Variants in ZBTB20 observed in about 807,000 individuals in gnomAD.
ZBTB20 encodes the protein zinc finger and BTB domain-containing protein 20.
ZBTB20 carries 9 observed loss-of-function variants against 56.9 expected under a neutral mutation model. That is an observed-to-expected ratio of 0.16 (90% CI 0.10 to 0.28). The LOEUF is 0.28. Among genes scored for constraint, ZBTB20 ranks in the 10% least tolerant of loss-of-function variants. The probability of loss-of-function intolerance (pLI) is 1.00; values close to 1 mark genes in which losing one functional copy is unlikely to be tolerated. For missense variants in ZBTB20, 655 were observed against 1,003.0 expected, an observed-to-expected ratio of 0.65 and a Z score of 4.69; for synonymous variants, 417 against 420.7, an observed-to-expected ratio of 0.99 and a Z score of 0.11.
intron 7 of ZBTB20, among the ~76,000 whole-genome samples, chr3:114,447,752 T>C (rs752429371): frequency 1.3e-5 from 2 of 152,148 alleles, no homozygotes; most frequent in African/African-American, 4.8e-5. Context: ...TAGATCATAG[T>C]GTGTACCCTA....
At chr3:114,532,512 C>T (rs908651683) in intron 6 of ZBTB20, among the ~76,000 whole-genome samples, 6 of 152,216 alleles carry the variant, frequency 3.9e-5, no homozygotes, top group Non-Finnish European at 7.3e-5. Flanking sequence ...ATAAAACTCC[C>T]ATCTCCCTGG....
chr3:114,611,048 C>T (rs1229332983), intron 6 of ZBTB20, among the ~76,000 whole-genome samples: 2 of 152,138 alleles, frequency 1.3e-5, no homozygotes, highest in African/African-American at 2.4e-5. Flanking sequence ...AGTTAACCAG[C>T]GCTGTTTCTA....
At chr3:114,881,066 C>G (rs2076380227) in intron 4 of ZBTB20, among the ~76,000 whole-genome samples, 1 of 152,042 alleles carries the variant, frequency 6.6e-6, no homozygotes, top group Admixed American at 6.5e-5. Context: ...CCTAATCCCT[C>G]TCTCCTACTT....
chr3:114,797,534 T>C (rs932671799), intron 5 of ZBTB20, among the ~76,000 whole-genome samples: 1 of 151,960 alleles, frequency 6.6e-6, no homozygotes, highest in East Asian at 1.9e-4. Flanking sequence ...GTTTTGTCTA[T>C]AAGAAAGATG....
At chr3:115,021,665 GGA>G (rs2080210953) in intron 2 of ZBTB20, among the ~76,000 whole-genome samples, 1 of 150,328 alleles carries the variant, frequency 6.7e-6, no homozygotes, top group South Asian at 2.1e-4. Flanking sequence ...TCTGTAAAAA[GGA>G]TCCTTTTTCT....
chr3:114,708,561 TAG>T (rs915965281), intron 5 of ZBTB20, among the ~76,000 whole-genome samples: 9 of 152,244 alleles, frequency 5.9e-5, no homozygotes, highest in Admixed American at 5.9e-4. Flanking sequence ...TGTCTGACAA[TAG>T]AGAGTTGATT....
intron 5 of ZBTB20, among the ~76,000 whole-genome samples, chr3:114,763,987 G>A (rs2108710000): frequency 1.3e-5 from 2 of 152,238 alleles, no homozygotes; most frequent in East Asian, 3.9e-4. Context: ...TAAAAGACAG[G>A]GAGCAGGACT....
chr3:114,677,077 G>C (rs2061673803), intron 6 of ZBTB20, among the ~76,000 whole-genome samples: 1 of 151,984 alleles, frequency 6.6e-6, no homozygotes, highest in Admixed American at 6.6e-5. Context: ...AGCCAACTAG[G>C]GGATTTTTAT....
At chr3:114,602,103 T>C (rs546967490) in intron 6 of ZBTB20, among the ~76,000 whole-genome samples, 1 of 152,152 alleles carries the variant, frequency 6.6e-6, no homozygotes, top group South Asian at 2.1e-4. Flanking sequence ...GCTGCATCTA[T>C]TGAAGTTAAT....
chr3:114,702,253 G>A (rs1039296622), intron 5 of ZBTB20, among the ~76,000 whole-genome samples: 2 of 152,158 alleles, frequency 1.3e-5, no homozygotes, highest in African/African-American at 4.8e-5. Flanking sequence ...TGAGGCTGAG[G>A]CTGAGGATTG....
chr3:114,454,178 GAGAGA>G (rs1559809969), intron 7 of ZBTB20, among the ~76,000 whole-genome samples: 8 of 37,994 alleles, frequency 2.1e-4, no homozygotes, highest in South Asian at 9.6e-4. Flanking sequence ...AGAGAAGGGA[GAGAGA>G]GAGAGAGAGA....
chr3:115,024,582 C>A (rs1016155426), intron 2 of ZBTB20, among the ~76,000 whole-genome samples: 3 of 151,136 alleles, frequency 2.0e-5, no homozygotes, highest in African/African-American at 7.3e-5. Context: ...TTAACTCACA[C>A]TGGATATTAA....
chr3:114,763,017 T>G (rs192956956), intron 5 of ZBTB20, among the ~76,000 whole-genome samples: 4 of 152,288 alleles, frequency 2.6e-5, no homozygotes, highest in Admixed American at 2.6e-4. Context: ...TTCCTAAACT[T>G]ATATATTTTC....
chr3:114,655,658 A>G (rs2060370430), intron 6 of ZBTB20, among the ~76,000 whole-genome samples: 1 of 152,164 alleles, frequency 6.6e-6, no homozygotes, highest in East Asian at 1.9e-4. Context: ...AGTTGTTCTA[A>G]GGATTACAAT....
At chr3:114,995,938 CAAAAT>C (rs2079008574) in intron 2 of ZBTB20, among the ~76,000 whole-genome samples, 1 of 151,630 alleles carries the variant, frequency 6.6e-6, no homozygotes, top group Admixed American at 6.6e-5. Flanking sequence ...CCCAACTTTT[CAAAAT>C]AAAATTAATA....
At chr3:114,608,853 TG>T (rs1457153666) in intron 6 of ZBTB20, among the ~76,000 whole-genome samples, 1 of 152,196 alleles carries the variant, frequency 6.6e-6, no homozygotes, top group East Asian at 1.9e-4. Flanking sequence ...CTACTGGAAG[TG>T]ATCTTTAGAA....
chr3:114,895,498 T>C (rs374662042), intron 4 of ZBTB20, among the ~76,000 whole-genome samples: 38 of 152,298 alleles, frequency 2.5e-4, no homozygotes, highest in African/African-American at 8.9e-4. Context: ...TAAGTTTTTC[T>C]TTAAACAGCC....
chr3:114,557,141 T>G (rs2051339380), intron 6 of ZBTB20, among the ~76,000 whole-genome samples: 2 of 152,076 alleles, frequency 1.3e-5, no homozygotes, highest in Admixed American at 6.6e-5. Context: ...AAGTAGCAGA[T>G]GAGCTGGTGT....
At chr3:114,926,043 TCAGA>T (rs1254895834) in intron 3 of ZBTB20, among the ~76,000 whole-genome samples, 26 of 152,278 alleles carry the variant, frequency 1.7e-4, no homozygotes, top group Admixed American at 1.6e-3. Context: ...AGTTCAGGGG[TCAGA>T]CAAAGACTTA....
Sources: allele counts gnomAD v4.1 joint callset (sites outside exome capture counted in the v4.1 genomes callset), GRCh38; gene constraint gnomAD v4.1.1; transcripts MANE v1.5; gene names NCBI Gene and HGNC (gene_info 2026-07-23, HGNC 2026-07-21).